Variants in ZNF593OS observed in about 807,000 individuals in gnomAD.
ZNF593OS encodes ZNF593 opposite strand.
At chr1:26,170,035 C>T, downstream of ZNF593OS, 2 of 1,572,550 alleles carry the variant, frequency 1.3e-6, no homozygotes, top group Non-Finnish European at 8.6e-7. Context: ...TCTAGCCCGG[C>T]AGATGAAGGC....
At position 26,171,420 on chromosome 1, in the gene ZNF593OS, C is replaced by G; in HGVS notation, c.46-85G>C. ...GTGGGAAAGGGCTGAGTAGATGTAGCTAGGGGAAGGAGACATGGACGCCGG... is the reference window on the plus strand; with the variant it reads ...GTGGGAAAGGGCTGAGTAGATGTAGGTAGGGGAAGGAGACATGGACGCCGG... On this transcript the variant is annotated intron_variant, in intron 1 of 1. Coordinates refer to ENST00000648649, the Ensembl canonical transcript of ZNF593OS. The surrounding 1 kb of genome is among the most constrained non-coding windows in gnomAD (Gnocchi z 5.5). 1 of 399,044 alleles carries G rather than the reference C, an allele frequency of 2.5e-6. No homozygotes were observed. Among genetic ancestry groups the G allele is most frequent in the Non-Finnish European group, 4.4e-6 (1 of 226,466 alleles). The allele number at this position is 399,044 out of a possible 1,614,324, so 24.7% of individuals were successfully genotyped here.
Position 26,171,533 on chromosome 1 carries a change from C to A in ZNF593OS, c.45+84G>T. 2 of 398,708 alleles carry A rather than the reference C, an allele frequency of 5.0e-6. No homozygotes were observed. Among genetic ancestry groups the A allele is most frequent in the African/African-American group, 2.1e-5 (1 of 48,738 alleles). 24.7% of individuals were successfully genotyped at this position (398,708 alleles called of 1,614,324 possible). On this transcript the variant is annotated intron_variant, in intron 1 of 1. Transcript: ENST00000648649. This position sits in a 1 kb window ranked among gnomAD's most constrained non-coding sequence, Gnocchi z 5.5. ...CTCAGGCGGCAGGGAACGTGACAGC[C>A]TGGCTGTTGGGGGTGTCAACCCAGC...
chr1:26,170,756 C>A, exon 2 of ZNF593OS: 1 of 1,584,762 alleles, frequency 6.3e-7, no homozygotes. Context: ...TGCCCATGGA[C>A]AGTGACGCAA....
In ZNF593OS at chr1:26,171,601, G is replaced by C. The variant is rs1048486120; in HGVS notation, c.45+16C>G. The C allele has an allele frequency of 1.3e-5, 5 of 398,510 alleles. No individual in the cohort carries two copies. The highest frequency in any genetic ancestry group is 2.2e-5 in the Non-Finnish European group (5 of 226,078). The allele number at this position is 398,510 out of a possible 1,614,324, so 24.7% of individuals were successfully genotyped here. ...GGGGTCAGTCGTGCCAGAAACCGTT[G>C]ATCAGGGGTACTTACCTGTAACACC... On this transcript the variant is annotated intron_variant, in intron 1 of 1. Transcript: ENST00000648649. This position sits in a 1 kb window ranked among gnomAD's most constrained non-coding sequence, Gnocchi z 5.5.
At position 26,171,715 on chromosome 1, in the gene ZNF593OS, A is replaced by G; in HGVS notation, c.-54T>C. On this transcript the variant is annotated 5_prime_UTR_variant, in exon 1 of 2. Transcript: ENST00000648649. This position sits in a 1 kb window ranked among gnomAD's most constrained non-coding sequence, Gnocchi z 5.5. ...CTGTAGGGTGGGAGCGGACGTGAAGACCAGTGGTCTTCATGACACCAAGAA... is the reference window on the plus strand; with the variant it reads ...CTGTAGGGTGGGAGCGGACGTGAAGGCCAGTGGTCTTCATGACACCAAGAA... 1 of 398,454 alleles carries G rather than the reference A, an allele frequency of 2.5e-6. No individual in the cohort carries two copies. Among genetic ancestry groups the G allele is most frequent in the Non-Finnish European group, 4.4e-6 (1 of 226,008 alleles). 24.7% of individuals were successfully genotyped at this position (398,454 alleles called of 1,614,324 possible).
downstream of ZNF593OS, chr1:26,169,888 C>G (rs2088466238): frequency 2.3e-6 from 3 of 1,310,012 alleles, no homozygotes; most frequent in Non-Finnish European, 2.0e-6. Flanking sequence ...CCTAGCCCCC[C>G]GGCGTGGCCT....
At chr1:26,170,657 C>A (rs138615482) in exon 2 of ZNF593OS, 7 of 1,611,970 alleles carry the variant, frequency 4.3e-6, no homozygotes, top group Non-Finnish European at 5.9e-6. Flanking sequence ...GCCCCCCAGG[C>A]GGCTGGCAGT....
At chr1:26,169,612 A>C, downstream of ZNF593OS, 1 of 276,656 alleles carries the variant, frequency 3.6e-6, no homozygotes, top group Non-Finnish European at 6.7e-6. Context: ...AAGGTCTGGG[A>C]AACAGGAAGG....
At chr1:26,169,775 T>C (rs1256120366), downstream of ZNF593OS, 4 of 579,500 alleles carry the variant, frequency 6.9e-6, no homozygotes, top group Non-Finnish European at 1.2e-5. Context: ...GGCACACTTC[T>C]GGGAGCCCGT....
In ZNF593OS at chr1:26,171,134, A is replaced by T; in HGVS notation, c.*55T>A. 2.5e-6 allele frequency: 1 copy of T among 408,002 alleles called. No homozygotes were observed. Among genetic ancestry groups the T allele is most frequent in the South Asian group, 1.1e-4 (1 of 9,250 alleles). 25.3% of individuals were successfully genotyped at this position (408,002 alleles called of 1,614,324 possible). A position where few individuals can be genotyped will look rare whatever the true frequency, so the allele number is the denominator to read the frequency against. On this transcript the variant is annotated 3_prime_UTR_variant, in exon 2 of 2. Transcript: ENST00000648649. This position sits in a 1 kb window ranked among gnomAD's most constrained non-coding sequence, Gnocchi z 5.5. ...CAGAAAAGAAGGCTTCTGAGATTGCACCCCCCTCCCGAGTCACCTACCCCC... is the reference window on the plus strand; with the variant it reads ...CAGAAAAGAAGGCTTCTGAGATTGCTCCCCCCTCCCGAGTCACCTACCCCC...
chr1:26,169,872 A>T, downstream of ZNF593OS: 1 of 1,198,002 alleles, frequency 8.3e-7, no homozygotes, highest in South Asian at 1.7e-5. Context: ...GGTCCGGCCG[A>T]GCCTGCCTAG....
At chr1:26,169,942 G>A (rs541891538), downstream of ZNF593OS, 61 of 1,509,264 alleles carry the variant, frequency 4.0e-5, 1 homozygote, top group East Asian at 1.3e-3. Flanking sequence ...TGTGCTCCCT[G>A]CCCTGCTCCT....
chr1:26,170,884 A>C, exon 2 of ZNF593OS: 2 of 845,658 alleles, frequency 2.4e-6, no homozygotes, highest in Non-Finnish European at 3.6e-6. Flanking sequence ...CTTGCCTCCA[A>C]CTCTAACTTC....
At position 26,171,617 on chromosome 1, in the gene ZNF593OS, C is replaced by T; in HGVS notation, c.45G>A (p.Gln15=). The T allele has an allele frequency of 2.5e-6, 1 of 398,634 alleles. No homozygotes were observed. Among genetic ancestry groups the T allele is most frequent in the Non-Finnish European group, 4.4e-6 (1 of 226,078 alleles). 24.7% of individuals were successfully genotyped at this position (398,634 alleles called of 1,614,324 possible). Residue 15 remains glutamine (Q), a splice_region_variant and synonymous_variant, in exon 1 of 2, where the codon CAG becomes CAA. Coordinates refer to ENST00000648649, the Ensembl canonical transcript of ZNF593OS. This position sits in a 1 kb window ranked among gnomAD's most constrained non-coding sequence, Gnocchi z 5.5. ...GAAACCGTTGATCAGGGGTACTTACCTGTAACACCCGGAAGTAACCAGGGG... is the reference window on the plus strand; with the variant it reads ...GAAACCGTTGATCAGGGGTACTTACTTGTAACACCCGGAAGTAACCAGGGG...
downstream of ZNF593OS, chr1:26,169,730 C>G: frequency 2.0e-6 from 1 of 507,462 alleles, no homozygotes; most frequent in South Asian, 2.9e-5. Flanking sequence ...CCCGCGCCTC[C>G]CCAGCGAGGG....
chr1:26,170,485 G>A (rs2124497774), downstream of ZNF593OS: 3 of 1,614,204 alleles, frequency 1.9e-6, no homozygotes, highest in South Asian at 2.2e-5. Flanking sequence ...GAAAAGGTAT[G>A]AAGGAGTAAG....
At chr1:26,170,316 C>A, downstream of ZNF593OS, 1 of 1,531,770 alleles carries the variant, frequency 6.5e-7, no homozygotes, top group Non-Finnish European at 8.8e-7. Context: ...TCCCGTTTCT[C>A]AGACCCGGAT....
chr1:26,170,208 G>T, downstream of ZNF593OS: 1 of 1,578,432 alleles, frequency 6.3e-7, no homozygotes, highest in East Asian at 2.3e-5. Context: ...AGCCCGGCCT[G>T]GGGCGGAGGA....
rs927884565 is a variant in ZNF593OS, at chr1:26,171,548, G to A, written c.45+69C>T. ...ACGTGACAGCCTGGCTGTTGGGGGT[G>A]TCAACCCAGCTATGGTAGGGGGAGG... is the stretch of plus-strand genomic sequence containing the variant. On this transcript the variant is annotated intron_variant, in intron 1 of 1. Transcript: ENST00000648649. This position sits in a 1 kb window ranked among gnomAD's most constrained non-coding sequence, Gnocchi z 5.5. 5.0e-6 allele frequency: 2 copies of A among 398,574 alleles called. No homozygotes were observed. The highest frequency in any genetic ancestry group is 8.8e-6 in the Non-Finnish European group (2 of 226,130). 24.7% of individuals were successfully genotyped at this position (398,574 alleles called of 1,614,324 possible).
Sources: allele counts gnomAD v4.1 joint callset, GRCh38; gene constraint gnomAD v4.1.1; non-coding constraint Gnocchi (gnomAD v3.1); transcripts MANE v1.5; gene names NCBI Gene and HGNC (gene_info 2026-07-23, HGNC 2026-07-21).